GCNA: variants seen among roughly 807,000 people sequenced by gnomAD.
GCNA encodes germ cell nuclear acidic peptidase, also known as germ cell nuclear acidic protein.
In GCNA, 3 loss-of-function variants were observed where a neutral mutation model predicts 38.8. That is an observed-to-expected ratio of 0.08 (90% CI 0.04 to 0.20). The LOEUF (loss-of-function observed/expected upper bound fraction) is 0.20. Ranked by LOEUF, GCNA falls within the 10% of genes least tolerant of loss-of-function variation. GCNA has a pLI of 1.00. For synonymous variants in GCNA, 195 were observed against 240.2 expected (o/e 0.81, Z 1.74); for missense variants, 446 against 578.6 (o/e 0.77, Z 2.35).
At chrX:71,611,944 C>T (rs2040813603) in intron 11 of GCNA, among the ~76,000 whole-genome samples, 2 of 110,055 alleles carry the variant, frequency 1.8e-5, no homozygotes, top group South Asian at 4.0e-4. Flanking sequence ...TGTCTGGTGG[C>T]GCTGAAAGTC....
intron 2 of GCNA, among the ~76,000 whole-genome samples, chrX:71,583,563 C>A (rs927919042): frequency 1.8e-5 from 2 of 110,763 alleles, no homozygotes; most frequent in African/African-American, 6.6e-5. Context: ...ATTTAAAAAT[C>A]ATTTACCTAT....
At chrX:71,601,645 A>C (rs2147725308) in intron 7 of GCNA, among the ~76,000 whole-genome samples, 1 of 110,124 alleles carries the variant, frequency 9.1e-6, no homozygotes, top group East Asian at 2.9e-4. Context: ...ACTGGGTTCA[A>C]GCGATTTCTC....
chrX:71,580,031 G>A (rs983220190), intron 1 of GCNA, among the ~76,000 whole-genome samples: 1 of 106,122 alleles, frequency 9.4e-6, no homozygotes, highest in African/African-American at 3.5e-5. Flanking sequence ...AAGGAAGAAG[G>A]TGATGAGGGG....
intron 7 of GCNA, among the ~76,000 whole-genome samples, chrX:71,601,708 G>A (rs2040716596): frequency 9.0e-6 from 1 of 110,513 alleles, no homozygotes; most frequent in Non-Finnish European, 1.9e-5. Flanking sequence ...ACCATGCCTG[G>A]CTAATTTTTG....
intron 10 of GCNA, among the ~76,000 whole-genome samples, chrX:71,609,868 A>AT (rs2040796852): frequency 1.8e-5 from 2 of 111,868 alleles, no homozygotes; most frequent in African/African-American, 6.5e-5. Flanking sequence ...TGGTCATTAG[A>AT]TTTTTCAGAC....
chrX:71,585,838 G>T (rs150373798), intron 2 of GCNA, among the ~76,000 whole-genome samples: 1 of 87,818 alleles, frequency 1.1e-5, no homozygotes, highest in East Asian at 4.1e-4. Context: ...TTTTTTAGGG[G>T]GTGGAAAATA....
At chrX:71,608,919 G>A in intron 9 of GCNA, 54 bp from the exon 10 acceptor site, 12 of 1,176,749 alleles carry the variant, frequency 1.0e-5, no homozygotes, top group African/African-American at 1.8e-5. Flanking sequence ...GCTTAGGTGT[G>A]CATTCCTTCT....
intron 1 of GCNA, chrX:71,580,525 A>AG (rs966423402): frequency 3.0e-4 from 55 of 184,897 alleles, no homozygotes; most frequent in Non-Finnish European, 5.1e-4. Context: ...CCCAGGCTGG[A>AG]GTGCAGTGGC....
chrX:71,598,006 A>G lies in GCNA; in HGVS notation c.278A>G (p.Lys93Arg). 8 of 1,210,073 alleles carry G rather than the reference A, an allele frequency of 6.6e-6. No individual in the cohort carries two copies. The highest frequency in any genetic ancestry group is 9.0e-6 in the Non-Finnish European group (8 of 893,760). ...SDEECHTHEE[K>R]KAKLLEINSD... ...GAGGAATGTCACACCCATGAAGAGA[A>G]GAAAGCTAAGTTATTGGAAATAAAC... is the stretch of plus-strand genomic sequence containing the variant. Residue 93 changes from lysine (K) to arginine (R), a missense_variant, in exon 7 of 13, where the codon AAG (lysine) becomes AGG (arginine). Lys to Arg is a conservative substitution (Grantham distance 26, BLOSUM62 2). Transcript: ENST00000373696.
intron 11 of GCNA, among the ~76,000 whole-genome samples, chrX:71,611,345 C>A (rs1172178167): frequency 4.5e-5 from 5 of 111,823 alleles, no homozygotes; most frequent in African/African-American, 1.6e-4. Context: ...GCCCATGCCC[C>A]AGACAGGCTC....
intron 2 of GCNA, among the ~76,000 whole-genome samples, chrX:71,583,981 T>C (rs1466668047): frequency 9.1e-6 from 1 of 109,415 alleles, no homozygotes; most frequent in Non-Finnish European, 1.9e-5. Context: ...ATGCTGGGAT[T>C]ATAGGCATGT....
intron 12 of GCNA, 104 bp downstream of exon 12, chrX:71,612,663 CCTCTCTCCTCCTTTCCACGTT>C (rs1323008706): frequency 1.2e-6 from 1 of 821,360 alleles, no homozygotes; most frequent in African/African-American, 2.1e-5. Context: ...AAGAGGAGAA[CCTCTCTCCTCCTTTCCACGTT>C]CTCTTTCTCC....
At position 71,612,203 on chromosome X, in the gene GCNA, G is replaced by T. The variant is rs12834376; in HGVS notation, c.1751-152G>T. The T allele has an allele frequency of 1.4e-5, 6 of 416,458 alleles. No individual in the cohort carries two copies. The East Asian group carries it at 2.1e-4, about 14-fold the overall frequency. 34.3% of individuals were successfully genotyped at this position (416,458 alleles called of 1,213,427 possible). On this transcript the variant is annotated intron_variant, in intron 11 of 12. Transcript: ENST00000373696. ...TGAGGCAGGAGAATCACTTGAAACC[G>T]GGAGGTGGAGGTTGCAGTGAGCTGA...
At chrX:71,610,614 CAAAAACAA>C (rs1430393886) in intron 10 of GCNA, 59 bp from the exon 11 acceptor site, 10 of 1,159,803 alleles carry the variant, frequency 8.6e-6, no homozygotes, top group South Asian at 4.0e-5. Context: ...AACTCCGTCT[CAAAAACAA>C]AAAAACAAAA....
chrX:71,599,492 T>C (rs1224742108), intron 7 of GCNA, among the ~76,000 whole-genome samples: 1 of 111,910 alleles, frequency 8.9e-6, no homozygotes, highest in Non-Finnish European at 1.9e-5. Context: ...GCTTTACTCC[T>C]TAAATCAGAA....
chrX:71,607,858 A>G lies in GCNA; in HGVS notation c.1467-1115A>G, dbSNP rs186309577. On this transcript the variant is annotated intron_variant, in intron 9 of 12. Coordinates refer to ENST00000373696, the MANE Select transcript of GCNA (RefSeq NM_052957.5). ...GGTGGAGATGTAGTCCTTGTAAGCCATGGGAAAATAGATTGTACCAAGGCA... is the reference window on the plus strand; with the variant it reads ...GGTGGAGATGTAGTCCTTGTAAGCCGTGGGAAAATAGATTGTACCAAGGCA... Among the ~76,000 whole-genome samples the G allele has an allele frequency of 2.7e-5, 3 of 113,112 alleles. No individual in the cohort carries two copies. In the East Asian group the frequency reaches 8.3e-4, roughly 31 times the overall value.
intron 9 of GCNA, among the ~76,000 whole-genome samples, chrX:71,607,375 G>A (rs2040776148): frequency 8.9e-6 from 1 of 112,019 alleles, no homozygotes; most frequent in African/African-American, 3.2e-5. Context: ...TTTAGTTTGT[G>A]ACTTAAGGGT....
intron 2 of GCNA, among the ~76,000 whole-genome samples, chrX:71,586,614 CT>C (rs767932632): frequency 1.1e-3 from 110 of 104,739 alleles, no homozygotes; most frequent in African/African-American, 1.8e-3. Context: ...GGCCATGTTA[CT>C]TTTTTTTTTT....
intron 11 of GCNA, among the ~76,000 whole-genome samples, chrX:71,611,466 G>A (rs777625253): frequency 2.1e-4 from 23 of 111,800 alleles, no homozygotes; most frequent in African/African-American, 7.5e-4. Context: ...CCAAGAGTTC[G>A]AGGCCGTAGT....
Sources: gnomAD v4.1 joint callset for allele counts (sites outside exome capture counted in the v4.1 genomes callset) on GRCh38, gnomAD v4.1.1 for gene constraint, MANE v1.5 for transcripts, NCBI Gene and HGNC (gene_info 2026-07-23, HGNC 2026-07-21) for gene names.